The following HYDIN variants were observed in gnomAD, a reference collection of about 807,000 sequenced individuals.
HYDIN encodes the protein axonemal central pair apparatus protein HYDIN.
In HYDIN, 132 loss-of-function variants were observed where a neutral mutation model predicts 403.9. The ratio of observed to expected loss-of-function variants is 0.33; its 90% CI spans 0.28 to 0.38. The LOEUF (loss-of-function observed/expected upper bound fraction) is 0.38, where lower values mean the gene tolerates loss of function less well. Ranked by LOEUF, HYDIN falls within the 10% of genes least tolerant of loss-of-function variation. The pLI, the probability that HYDIN is intolerant of heterozygous loss-of-function variation, is 1.00. For missense variants in HYDIN, 2,827 were observed against 5,009.5 expected, an observed-to-expected ratio of 0.56 and a Z score of 13.15; for synonymous variants, 1,202 against 1,891.7, an observed-to-expected ratio of 0.64 and a Z score of 9.46.
intron 45 of HYDIN, among the ~76,000 whole-genome samples, chr16:70,934,433 G>A (rs529519923): frequency 5.3e-5 from 8 of 152,264 alleles, no homozygotes; most frequent in Admixed American, 5.2e-4. Context: ...GTGTGCTGAC[G>A]GTCGAAGACA....
At chr16:71,004,705 T>C (rs1220250621) in intron 23 of HYDIN, among the ~76,000 whole-genome samples, 1 of 152,188 alleles carries the variant, frequency 6.6e-6, no homozygotes, top group Non-Finnish European at 1.5e-5. Context: ...CCTGGTTTAA[T>C]GGGTTTTGGT....
At chr16:71,182,469 T>G (rs1303401442) in intron 3 of HYDIN, among the ~76,000 whole-genome samples, 1 of 152,048 alleles carries the variant, frequency 6.6e-6, no homozygotes, top group African/African-American at 2.4e-5. Flanking sequence ...AAGGCAGAAT[T>G]CATAGCACTT....
chr16:71,174,010 A>T (rs1206003804), intron 5 of HYDIN, among the ~76,000 whole-genome samples: 2 of 152,118 alleles, frequency 1.3e-5, no homozygotes, highest in Non-Finnish European at 2.9e-5. Flanking sequence ...GTAAATCCAG[A>T]CCCTGTTCTC....
At chr16:70,954,494 C>A (rs1039392911) in intron 40 of HYDIN, among the ~76,000 whole-genome samples, 1 of 151,786 alleles carries the variant, frequency 6.6e-6, no homozygotes, top group Admixed American at 6.6e-5. Flanking sequence ...GAAAACAACC[C>A]CCCTCCCCCA....
At chr16:71,170,048 C>A (rs1015840081) in intron 5 of HYDIN, among the ~76,000 whole-genome samples, 1 of 152,114 alleles carries the variant, frequency 6.6e-6, no homozygotes, top group Non-Finnish European at 1.5e-5. Context: ...TGATGCCTCA[C>A]GTGGCCCTGC....
At chr16:70,923,584 C>T (rs538032530) in intron 45 of HYDIN, among the ~76,000 whole-genome samples, 35 of 118,400 alleles carry the variant, frequency 3.0e-4, no homozygotes, top group Non-Finnish European at 5.1e-4. Flanking sequence ...GGGCGGATCA[C>T]GAGGTCAGGA....
chr16:71,227,846 T>C (rs534014627), intron 1 of HYDIN, among the ~76,000 whole-genome samples: 1,945 of 152,314 alleles, frequency 0.013, 18 homozygotes, highest in Non-Finnish European at 0.021. Context: ...AGAGCCTGCA[T>C]TGCCAAGACA....
chr16:71,110,390 TTA>T (rs893685875), intron 10 of HYDIN, among the ~76,000 whole-genome samples: 21 of 137,528 alleles, frequency 1.5e-4, no homozygotes, highest in East Asian at 8.3e-4. Flanking sequence ...TACATATATT[TTA>T]TATATATATT....
chr16:71,134,369 T>A (rs1192050694), intron 8 of HYDIN, among the ~76,000 whole-genome samples: 2 of 152,150 alleles, frequency 1.3e-5, no homozygotes, highest in Non-Finnish European at 2.9e-5. Flanking sequence ...CTATAGAGGT[T>A]GCTGAAGGAG....
chr16:71,088,470 T>G lies in HYDIN; in HGVS notation c.1501A>C (p.Thr501Pro). Reference sequence around the variant, plus strand: ...ACAAAGCAGGCCCCCAAAGCTGAAGTTGGAGGGGTCATGTTGAAGAGAGCA... The same window carrying G: ...ACAAAGCAGGCCCCCAAAGCTGAAGGTGGAGGGGTCATGTTGAAGAGAGCA... ...IDALFNMTPPTSALGACFVFS... is the reference protein window; with the variant it reads ...IDALFNMTPPPSALGACFVFS... The change falls in exon 12 of 86, where the codon ACT (threonine) becomes CCT (proline). Residue 501 changes from threonine to proline, a missense_variant. Thr to Pro is a conservative substitution (Grantham distance 38, BLOSUM62 -1). Coordinates refer to ENST00000393567, the MANE Select transcript of HYDIN (RefSeq NM_001270974.2). The G allele has an allele frequency of 1.5e-6, 1 of 662,612 alleles. No homozygotes were observed. Among genetic ancestry groups the G allele is most frequent in the Admixed American group, 3.0e-5 (1 of 33,132 alleles). The allele number at this position is 662,612 out of a possible 1,614,324, so 41.0% of individuals were successfully genotyped here.
At chr16:71,175,048 A>ACACCAC (rs2086612837) in intron 5 of HYDIN, among the ~76,000 whole-genome samples, 1 of 145,166 alleles carries the variant, frequency 6.9e-6, no homozygotes, top group Non-Finnish European at 1.5e-5. Context: ...ACCATCAATG[A>ACACCAC]CAGCACCACC....
chr16:71,170,728 G>T (rs1486776942), intron 5 of HYDIN, among the ~76,000 whole-genome samples: 3 of 152,092 alleles, frequency 2.0e-5, no homozygotes. Flanking sequence ...AGTGACTGTG[G>T]TTTTTTAGGC....
chr16:71,041,808 T>C (rs2081295673), intron 18 of HYDIN, among the ~76,000 whole-genome samples: 1 of 151,596 alleles, frequency 6.6e-6, no homozygotes. Flanking sequence ...GACACACATA[T>C]ATATTTATTG....
intron 9 of HYDIN, among the ~76,000 whole-genome samples, chr16:71,127,678 G>T (rs562064594): frequency 2.6e-4 from 40 of 152,300 alleles, no homozygotes; most frequent in South Asian, 4.2e-4. Flanking sequence ...GGCTGCCCAG[G>T]GGTAGCAGTC....
chr16:71,219,696 G>A (rs964533084), intron 1 of HYDIN, among the ~76,000 whole-genome samples: 7 of 152,124 alleles, frequency 4.6e-5, no homozygotes, highest in African/African-American at 1.7e-4. Context: ...AGATTGCACA[G>A]TTTTTCAAAT....
chr16:71,134,329 T>C (rs572852608), intron 8 of HYDIN, among the ~76,000 whole-genome samples: 1 of 151,978 alleles, frequency 6.6e-6, no homozygotes, highest in African/African-American at 2.4e-5. Context: ...CAGTCTGACC[T>C]GAAAGTTTAC....
chr16:71,001,991 A>G (rs2079730486), intron 23 of HYDIN, among the ~76,000 whole-genome samples: 1 of 152,344 alleles, frequency 6.6e-6, no homozygotes, highest in African/African-American at 2.4e-5. Flanking sequence ...TTTATTGGCC[A>G]TTCATATCTG....
At chr16:71,015,699 G>A (rs371603884) in intron 23 of HYDIN, among the ~76,000 whole-genome samples, 111 of 149,364 alleles carry the variant, frequency 7.4e-4, no homozygotes, top group African/African-American at 2.4e-3. Context: ...CATCGTTACC[G>A]TGGTAACAAG....
At chr16:71,185,328 T>C (rs965016082) in intron 2 of HYDIN, among the ~76,000 whole-genome samples, 1 of 152,158 alleles carries the variant, frequency 6.6e-6, no homozygotes, top group African/African-American at 2.4e-5. Context: ...GAGGCATCTG[T>C]GCATAAAACT....
Sources: gnomAD v4.1 joint callset for allele counts (sites outside exome capture counted in the v4.1 genomes callset) on GRCh38, gnomAD v4.1.1 for gene constraint, MANE v1.5 for transcripts, NCBI Gene and HGNC (gene_info 2026-07-23, HGNC 2026-07-21) for gene names.